Variants in PCDH15 observed in about 807,000 individuals in gnomAD.
The protein encoded by PCDH15 is protocadherin related 15.
A neutral mutation model predicts 178.5 loss-of-function variants in PCDH15; 129 were observed. That is an observed-to-expected ratio of 0.72 (90% CI 0.63 to 0.84). PCDH15 has a LOEUF of 0.84. Among genes scored for constraint, PCDH15 ranks in the 40% least tolerant of loss-of-function variants. PCDH15 has a pLI of 0.00. For synonymous variants in PCDH15, 800 were observed against 732.0 expected (o/e 1.09, Z -1.50); for missense variants, 2,230 against 2,099.9 (o/e 1.06, Z -1.21).
At chr10:55,476,485 T>A (rs146509669) in intron 2 of PCDH15, among the ~76,000 whole-genome samples, 1 of 152,138 alleles carries the variant, frequency 6.6e-6, no homozygotes, top group African/African-American at 2.4e-5. Flanking sequence ...GAATATTCTC[T>A]TTTACTTAGG....
chr10:54,336,350 C>T (rs1487197542), intron 6 of PCDH15, among the ~76,000 whole-genome samples: 1 of 152,136 alleles, frequency 6.6e-6, no homozygotes, highest in African/African-American at 2.4e-5. Flanking sequence ...GAAAATGTCT[C>T]CAGGGTGTGT....
At position 54,982,610 on chromosome 10, in the gene PCDH15, G is replaced by A. The variant is rs1219526; in HGVS notation, c.-79-85110C>T. Among the ~76,000 whole-genome samples, 1,520 of 152,220 alleles carry A rather than the reference G, an allele frequency of 1.0e-2. 30 individuals are homozygous for A. Among genetic ancestry groups the A allele is most frequent in the African/African-American group, 0.035 (1,463 of 41,536 alleles). On this transcript the variant is annotated intron_variant, in intron 2 of 5. Coordinates refer to the PCDH15 transcript ENST00000458638. ...AACTATCCTAGGGCTTTGATGAGAT[G>A]CTAAAGGATAATGATAAATACATTA... is the stretch of plus-strand genomic sequence containing the variant.
At chr10:55,292,784 T>A (rs1419693885) in intron 1 of PCDH15, among the ~76,000 whole-genome samples, 1 of 152,232 alleles carries the variant, frequency 6.6e-6, no homozygotes, top group Non-Finnish European at 1.5e-5. Context: ...CTTGGGCAGT[T>A]CTGCCCCTGT....
intron 25 of PCDH15, among the ~76,000 whole-genome samples, chr10:53,922,048 G>T (rs2084043811): frequency 6.7e-6 from 1 of 149,876 alleles, no homozygotes; most frequent in South Asian, 2.1e-4. Context: ...ATTTTTTTTT[G>T]AAGAAAGTTG....
At chr10:54,629,996 C>G (rs1835246538) in intron 2 of PCDH15, among the ~76,000 whole-genome samples, 1 of 151,784 alleles carries the variant, frequency 6.6e-6, no homozygotes, top group Admixed American at 6.6e-5. Context: ...TTACAATAGC[C>G]ACAAAAAAAA....
At chr10:54,996,372 T>A (rs1839644203) in intron 2 of PCDH15, among the ~76,000 whole-genome samples, 1 of 152,190 alleles carries the variant, frequency 6.6e-6, no homozygotes, top group African/African-American at 2.4e-5. Flanking sequence ...AATTTCCATT[T>A]GAAGGTTGAA....
chr10:55,021,357 A>G (rs1840322221), intron 2 of PCDH15, among the ~76,000 whole-genome samples: 1 of 152,142 alleles, frequency 6.6e-6, no homozygotes, highest in South Asian at 2.1e-4. Context: ...CACATTAACT[A>G]CTGTTATTTT....
intron 2 of PCDH15, among the ~76,000 whole-genome samples, chr10:55,531,475 A>C (rs1249684380): frequency 6.6e-6 from 1 of 152,154 alleles, no homozygotes; most frequent in Non-Finnish European, 1.5e-5. Flanking sequence ...CTTGAAAAAT[A>C]AATAAGAATC....
intron 2 of PCDH15, among the ~76,000 whole-genome samples, chr10:54,644,464 C>G (rs183620385): frequency 6.6e-6 from 1 of 151,828 alleles, no homozygotes; most frequent in East Asian, 2.0e-4. Context: ...TGTCATATTA[C>G]AATATATTCA....
intron 18 of PCDH15, among the ~76,000 whole-genome samples, chr10:54,040,189 G>T (rs1911399): frequency 0.31 from 46,821 of 151,780 alleles, 7,630 homozygotes; most frequent in African/African-American, 0.41. Context: ...TATTGAGATG[G>T]TTTGGCTGTG....
At chr10:54,873,121 T>A (rs1954069385) in intron 3 of PCDH15, among the ~76,000 whole-genome samples, 1 of 152,184 alleles carries the variant, frequency 6.6e-6, no homozygotes, top group African/African-American at 2.4e-5. Flanking sequence ...TTTTTGGTGT[T>A]ATAAGTGCTG....
intron 29 of PCDH15, among the ~76,000 whole-genome samples, chr10:53,833,707 T>C (rs1341755686): frequency 6.6e-6 from 1 of 152,126 alleles, no homozygotes; most frequent in Non-Finnish European, 1.5e-5. Context: ...TTTTCGATTT[T>C]TTGCTTCTGT....
At chr10:54,621,329 A>C (rs1045290758) in intron 2 of PCDH15, among the ~76,000 whole-genome samples, 1 of 151,990 alleles carries the variant, frequency 6.6e-6, no homozygotes, top group Non-Finnish European at 1.5e-5. Flanking sequence ...TAAATGGTTC[A>C]ATTTATTAAA....
chr10:55,338,752 G>C (rs1055783213), intron 2 of PCDH15, among the ~76,000 whole-genome samples: 3 of 152,068 alleles, frequency 2.0e-5, no homozygotes, highest in African/African-American at 7.2e-5. Flanking sequence ...TCCAGCTCAG[G>C]TGACAGAGAC....
In PCDH15 at chr10:54,752,502, AAAACAAAAAACAAAC is replaced by A. The variant is rs1392625794; in HGVS notation, c.-29+48408_-29+48422del. ...AAAAAAAAAAAAAAACAAAAAACAA[AAAACAAAAAACAAAC>A]AAACAAACAAACAAAAAAAAACAAT... On this transcript the variant is annotated intron_variant, in intron 1 of 37. Transcript: ENST00000644397. 8.8e-5 allele frequency among the ~76,000 whole-genome samples: 8 copies of A among 90,978 alleles called. 2 individuals are homozygous for A. Among genetic ancestry groups the A allele is most frequent in the African/African-American group, 2.3e-4 (6 of 26,216 alleles). The allele number at this position is 90,978 out of a possible 152,430, so 59.7% of individuals were successfully genotyped here.
At chr10:55,469,332 C>T (rs1038500912) in intron 2 of PCDH15, 1 of 151,942 alleles carries the variant, frequency 6.6e-6, no homozygotes, top group Non-Finnish European at 1.5e-5. Context: ...CAACAATCTG[C>T]TTTATGATTA....
chr10:55,287,711 TTTC>T (rs992996194), intron 1 of PCDH15, among the ~76,000 whole-genome samples: 5 of 151,962 alleles, frequency 3.3e-5, no homozygotes, highest in Non-Finnish European at 7.4e-5. Flanking sequence ...TTTCTTTAAT[TTTC>T]TTTCTCTTTG....
intron 2 of PCDH15, among the ~76,000 whole-genome samples, chr10:55,053,935 G>A (rs574833567): frequency 1.3e-5 from 2 of 152,098 alleles, no homozygotes; most frequent in African/African-American, 4.8e-5. Context: ...AGAGAAAAGC[G>A]AAGAAAACTA....
chr10:55,149,052 G>T (rs1372066962), intron 2 of PCDH15, among the ~76,000 whole-genome samples: 1 of 151,176 alleles, frequency 6.6e-6, no homozygotes, highest in African/African-American at 2.4e-5. Context: ...TCTAGCTTTT[G>T]ACATTAAATC....
Sources: allele counts gnomAD v4.1 joint callset (sites outside exome capture counted in the v4.1 genomes callset), GRCh38; gene constraint gnomAD v4.1.1; transcripts MANE v1.5; gene names NCBI Gene and HGNC (gene_info 2026-07-23, HGNC 2026-07-21).